RELN: variants seen among roughly 807,000 people sequenced by gnomAD.
The protein encoded by RELN is reelin.
RELN carries 108 observed loss-of-function variants against 427.6 expected under a neutral mutation model. The ratio of observed to expected loss-of-function variants is 0.25; its 90% confidence interval spans 0.22 to 0.30. The LOEUF is 0.30. Among genes scored for constraint, RELN ranks in the 10% least tolerant of loss-of-function variants. The probability of loss-of-function intolerance (pLI) is 1.00; values close to 1 mark genes in which losing one functional copy is unlikely to be tolerated. For synonymous variants in RELN, 1,524 were observed against 1,513.4 expected (o/e 1.01, Z -0.16); for missense variants, 3,715 against 4,302.8 (o/e 0.86, Z 3.82).
intron 11 of RELN, among the ~76,000 whole-genome samples, chr7:103,663,543 A>G (rs2073555): frequency 0.35 from 53,170 of 151,846 alleles, 9,500 homozygotes; most frequent in South Asian, 0.4. Flanking sequence ...CAATTGGCAC[A>G]TTGGGAAACA....
At chr7:103,759,543 G>T (rs1791243586) in intron 4 of RELN, among the ~76,000 whole-genome samples, 1 of 152,090 alleles carries the variant, frequency 6.6e-6, no homozygotes, top group East Asian at 1.9e-4. Flanking sequence ...CTCTGTGTTG[G>T]TGATAGTTCT....
intron 53 of RELN, among the ~76,000 whole-genome samples, chr7:103,498,496 C>CA (rs1828913048): frequency 8.7e-6 from 1 of 114,322 alleles, no homozygotes; most frequent in South Asian, 2.8e-4. Context: ...TTGACTATAT[C>CA]AATTTTTTTT....
intron 2 of RELN, among the ~76,000 whole-genome samples, chr7:103,889,015 T>C (rs918954070): frequency 2.0e-5 from 3 of 152,176 alleles, no homozygotes; most frequent in Non-Finnish European, 4.4e-5. Context: ...AGAGGACTCA[T>C]GCACTGCAGC....
intron 1 of RELN, 42 bp from the exon 2 acceptor site, chr7:103,917,227 G>C (rs1307852529): frequency 6.5e-6 from 9 of 1,381,282 alleles, no homozygotes; most frequent in African/African-American, 4.3e-5. Flanking sequence ...AATACAGTCA[G>C]AATAACACAA....
rs192032886 is a variant in RELN, at chr7:103,916,637, A to G, written c.337+438T>C. The stretch of plus-strand genomic sequence containing the variant: ...AATACTCATAGAACTCAATAATTTT[A>G]TCAAATATTGCTATCTTCTGCTTTA... On this transcript the variant is annotated intron_variant, in intron 2 of 64. Transcript: ENST00000428762. 1.7e-3 allele frequency among the ~76,000 whole-genome samples: 261 copies of G among 152,344 alleles called. 1 individual carries two copies. The highest frequency in any genetic ancestry group is 5.7e-3 in the African/African-American group (239 of 41,582).
At chr7:103,604,556 T>G (rs1383505356) in intron 22 of RELN, 73 bp from the exon 23 acceptor site, 4 of 1,511,376 alleles carry the variant, frequency 2.6e-6, no homozygotes, top group Non-Finnish European at 2.8e-6. Flanking sequence ...AATGTCAGAG[T>G]CCAAAATCTT....
At chr7:103,887,472 G>A (rs1794749925) in intron 2 of RELN, among the ~76,000 whole-genome samples, 1 of 152,154 alleles carries the variant, frequency 6.6e-6, no homozygotes, top group Admixed American at 6.5e-5. Flanking sequence ...TCAAATATTG[G>A]CAACTGAAAG....
At chr7:103,808,040 G>A (rs1402615661) in intron 3 of RELN, among the ~76,000 whole-genome samples, 1 of 151,998 alleles carries the variant, frequency 6.6e-6, no homozygotes, top group South Asian at 2.1e-4. Flanking sequence ...TCCTCCTCTT[G>A]GATTTCATAA....
intron 44 of RELN, among the ~76,000 whole-genome samples, chr7:103,539,835 AAG>A (rs1371072513): frequency 2.0e-5 from 3 of 152,214 alleles, no homozygotes; most frequent in Non-Finnish European, 4.4e-5. Flanking sequence ...AAAGGCAAGA[AAG>A]AGGATTTGGG....
intron 20 of RELN, among the ~76,000 whole-genome samples, chr7:103,619,616 G>A (rs2299348): frequency 0.11 from 17,211 of 152,236 alleles, 1,114 homozygotes; most frequent in Middle Eastern, 0.27. Flanking sequence ...CCACGTCACC[G>A]CATTTTTAGA....
intron 59 of RELN, 107 bp from the exon 60 acceptor site, chr7:103,490,006 C>A (rs1828594701): frequency 7.5e-7 from 1 of 1,328,726 alleles, no homozygotes; most frequent in Non-Finnish European, 1.1e-6. Flanking sequence ...AAAAGGGCTT[C>A]CCAAATGTCT....
At position 103,520,975 on chromosome 7, in the gene RELN, T is replaced by A. The variant is rs981777858; in HGVS notation, c.7668+1047A>T. ...ATTTGTTATTTTTTTTTTTTTTTTT[T>A]TTTTTTTTTTTTGAGACGGAGTCTC... On this transcript the variant is annotated intron_variant, in intron 48 of 64. Transcript: ENST00000428762. Among the ~76,000 whole-genome samples the A allele has an allele frequency of 1.1e-3, 148 of 132,842 alleles. 1 individual carries two copies. Among genetic ancestry groups the A allele is most frequent in the Non-Finnish European group, 1.8e-3 (108 of 61,554 alleles). The allele number at this position is 132,842 out of a possible 152,430, so 87.1% of individuals were successfully genotyped here.
chr7:103,538,686 A>G (rs769626753), intron 45 of RELN, among the ~76,000 whole-genome samples: 13 of 152,206 alleles, frequency 8.5e-5, no homozygotes, highest in Admixed American at 3.9e-4. Flanking sequence ...TGTATATATG[A>G]ATAAATCATA....
intron 34 of RELN, 120 bp downstream of exon 34, chr7:103,565,158 G>A (rs767615170): frequency 2.5e-4 from 324 of 1,298,438 alleles, no homozygotes; most frequent in Middle Eastern, 5.9e-4. Flanking sequence ...TTTCTTCCTG[G>A]CACTTCCATG....
intron 3 of RELN, among the ~76,000 whole-genome samples, chr7:103,801,495 C>T (rs544213595): frequency 3.3e-5 from 5 of 151,806 alleles, no homozygotes; most frequent in Non-Finnish European, 4.4e-5. Context: ...AAACTAAACA[C>T]TGCATGTTCT....
At chr7:103,526,649 T>C (rs1331743040) in intron 46 of RELN, among the ~76,000 whole-genome samples, 1 of 152,216 alleles carries the variant, frequency 6.6e-6, no homozygotes, top group Non-Finnish European at 1.5e-5. Context: ...GAAGTTGAAT[T>C]GCCAGGACTT....
intron 2 of RELN, among the ~76,000 whole-genome samples, chr7:103,886,739 A>G (rs987064620): frequency 5.9e-5 from 9 of 152,288 alleles, no homozygotes; most frequent in Admixed American, 5.9e-4. Flanking sequence ...GAAATGTCAT[A>G]TTTTCCAGCC....
rs542072940 is a variant in RELN, at chr7:103,853,346, T to C, written c.338-19674A>G. ...TTTTGTTTCTCCCCTGTAGCTTTCA[T>C]TTATTTTTAATAAATCACAGGTGAT... On this transcript the variant is annotated intron_variant, in intron 2 of 64. Transcript: ENST00000428762. Among the ~76,000 whole-genome samples, 5 of 152,202 alleles carry C rather than the reference T, an allele frequency of 3.3e-5. 1 individual carries two copies. Among genetic ancestry groups the C allele is most frequent in the African/African-American group, 9.6e-5 (4 of 41,588 alleles).
At chr7:103,971,741 T>C (rs967934215) in intron 1 of RELN, among the ~76,000 whole-genome samples, 7 of 152,148 alleles carry the variant, frequency 4.6e-5, no homozygotes, top group Non-Finnish European at 7.4e-5. Context: ...ACTGTGAAAG[T>C]ATTTGAGCAT....
Sources: gnomAD v4.1 joint callset for allele counts (sites outside exome capture counted in the v4.1 genomes callset) on GRCh38, gnomAD v4.1.1 for gene constraint, MANE v1.5 for transcripts, NCBI Gene and HGNC (gene_info 2026-07-23, HGNC 2026-07-21) for gene names.